Variants in CDH12 observed in about 807,000 individuals in gnomAD.
CDH12 encodes cadherin-12.
In CDH12, 41 loss-of-function variants were observed where a neutral mutation model predicts 74.1. That is an observed-to-expected ratio of 0.55 (90% CI 0.43 to 0.72). CDH12 has a LOEUF of 0.72. CDH12 is among the 30% of genes least tolerant of loss of function. CDH12 has a pLI of 0.00. For synonymous variants in CDH12, 399 were observed against 355.0 expected (o/e 1.12, Z -1.39); for missense variants, 945 against 977.2 (o/e 0.97, Z 0.44).
intron 2 of CDH12, among the ~76,000 whole-genome samples, chr5:22,460,703 A>G (rs1189965878): frequency 7.3e-6 from 1 of 136,892 alleles, no homozygotes; most frequent in Admixed American, 7.5e-5. Context: ...ACAGTTGATG[A>G]TATCTAGCAA....
At chr5:22,179,052 G>T in intron 4 of CDH12, among the ~76,000 whole-genome samples, 1 of 152,208 alleles carries the variant, frequency 6.6e-6, no homozygotes, top group Non-Finnish European at 1.5e-5. Flanking sequence ...GATAATCCTT[G>T]CTCTTCTAGG....
At chr5:22,687,833 T>C (rs1479178401) in intron 1 of CDH12, among the ~76,000 whole-genome samples, 1 of 152,208 alleles carries the variant, frequency 6.6e-6, no homozygotes, top group Non-Finnish European at 1.5e-5. Context: ...TATCTGAATA[T>C]AGTAAAATGT....
intron 3 of CDH12, among the ~76,000 whole-genome samples, chr5:22,240,836 C>G (rs576572656): frequency 6.6e-6 from 1 of 151,978 alleles, no homozygotes; most frequent in African/African-American, 2.4e-5. Context: ...CGCACCTGGC[C>G]GGATAGTAAT....
intron 1 of CDH12, among the ~76,000 whole-genome samples, chr5:22,656,683 A>G (rs1470065885): frequency 6.6e-6 from 1 of 152,232 alleles, no homozygotes; most frequent in South Asian, 2.1e-4. Context: ...CACTCTTAGT[A>G]CAAACTCAGG....
chr5:22,331,871 G>C (rs186915267), intron 3 of CDH12, among the ~76,000 whole-genome samples: 2 of 151,304 alleles, frequency 1.3e-5, no homozygotes, highest in South Asian at 4.2e-4. Flanking sequence ...CAAGTGACAC[G>C]CTGAAGAATG....
intron 10 of CDH12, among the ~76,000 whole-genome samples, chr5:21,789,480 T>C (rs888761246): frequency 6.6e-6 from 1 of 152,148 alleles, no homozygotes; most frequent in Non-Finnish European, 1.5e-5. Context: ...CTGCATGCTC[T>C]TAGAAAATTT....
intron 1 of CDH12, among the ~76,000 whole-genome samples, chr5:22,740,629 C>A (rs1054150816): frequency 6.6e-6 from 1 of 151,874 alleles, no homozygotes; most frequent in Non-Finnish European, 1.5e-5. Flanking sequence ...GATATATTTA[C>A]AACTTATTCT....
At chr5:22,113,228 C>A (rs1035672585) in intron 4 of CDH12, among the ~76,000 whole-genome samples, 1 of 152,132 alleles carries the variant, frequency 6.6e-6, no homozygotes, top group African/African-American at 2.4e-5. Context: ...ATCTTGAAAT[C>A]GCCCTTCAAA....
At chr5:22,592,753 G>A (rs1442239997) in intron 1 of CDH12, among the ~76,000 whole-genome samples, 1 of 140,590 alleles carries the variant, frequency 7.1e-6, no homozygotes, top group Non-Finnish European at 1.5e-5. Context: ...TGAAAATGTT[G>A]ATGGTGGCCA....
chr5:22,307,594 C>A (rs1271764635), intron 3 of CDH12, among the ~76,000 whole-genome samples: 3 of 152,240 alleles, frequency 2.0e-5, no homozygotes, highest in Admixed American at 2.0e-4. Context: ...CTGTCCTCAT[C>A]AGGAGACCAT....
At chr5:22,818,361 C>T (rs1319908806) in intron 1 of CDH12, among the ~76,000 whole-genome samples, 1 of 152,068 alleles carries the variant, frequency 6.6e-6, no homozygotes, top group African/African-American at 2.4e-5. Flanking sequence ...GTGTATTATA[C>T]ATCACAGCTT....
intron 1 of CDH12, among the ~76,000 whole-genome samples, chr5:22,718,703 C>T (rs989925386): frequency 3.3e-5 from 5 of 152,076 alleles, no homozygotes; most frequent in African/African-American, 1.2e-4. Context: ...TCTGAATCTC[C>T]AGGAAGGGCT....
At chr5:22,834,364 A>G (rs931445724) in intron 1 of CDH12, among the ~76,000 whole-genome samples, 1 of 152,148 alleles carries the variant, frequency 6.6e-6, no homozygotes, top group African/African-American at 2.4e-5. Context: ...AGAGAGATTT[A>G]ATGTACTTAA....
chr5:22,342,518 TCCTCCCTTCCTTC>T (rs1305121487), intron 3 of CDH12, among the ~76,000 whole-genome samples: 1 of 150,524 alleles, frequency 6.6e-6, no homozygotes, highest in Non-Finnish European at 1.5e-5. Flanking sequence ...CTTCCTTCCT[TCCTCCCTTCCTTC>T]CCTCCCTCCC....
chr5:21,993,764 G>A (rs1418650255), intron 5 of CDH12, among the ~76,000 whole-genome samples: 1 of 151,936 alleles, frequency 6.6e-6, no homozygotes, highest in Non-Finnish European at 1.5e-5. Context: ...ACACTGGGCT[G>A]AATTTTTGCC....
At chr5:22,401,944 A>G (rs1742746663) in intron 3 of CDH12, among the ~76,000 whole-genome samples, 1 of 152,200 alleles carries the variant, frequency 6.6e-6, no homozygotes, top group Admixed American at 6.5e-5. Context: ...GATAAGAAAG[A>G]GGCACTGAAC....
chr5:22,019,186 A>G (rs71601529), intron 5 of CDH12, among the ~76,000 whole-genome samples: 2,562 of 152,196 alleles, frequency 0.017, 33 homozygotes, highest in Non-Finnish European at 0.025. Context: ...GGCCTGTCAT[A>G]TGTCTTGTTC....
chr5:22,154,509 A>G (rs1413223241), intron 4 of CDH12, among the ~76,000 whole-genome samples: 24 of 6,070 alleles, frequency 4.0e-3, no homozygotes, highest in African/African-American at 0.01. Flanking sequence ...ACACATATAT[A>G]TGTACACATA....
intron 2 of CDH12, among the ~76,000 whole-genome samples, chr5:22,494,871 A>G (rs1359806965): frequency 2.0e-5 from 3 of 152,196 alleles, no homozygotes; most frequent in Non-Finnish European, 4.4e-5. Context: ...ATTCAATTTA[A>G]GGTGTAGTGA....
Sources: gnomAD v4.1 joint callset for allele counts (sites outside exome capture counted in the v4.1 genomes callset) on GRCh38, gnomAD v4.1.1 for gene constraint, MANE v1.5 for transcripts, NCBI Gene and HGNC (gene_info 2026-07-23, HGNC 2026-07-21) for gene names.